Variants in FARP1 observed in about 807,000 individuals in gnomAD.
FARP1 encodes the protein FERM, ARHGEF and pleckstrin domain-containing protein 1.
Under a neutral mutation model 128.8 loss-of-function variants are expected in FARP1, and 52 were observed. The observed-to-expected ratio is 0.40, with a 90% CI of 0.32 to 0.51. The LOEUF (loss-of-function observed/expected upper bound fraction) is 0.51, where lower values mean the gene tolerates loss of function less well. Ranked by LOEUF, FARP1 falls within the 20% of genes least tolerant of loss-of-function variation. The probability of loss-of-function intolerance (pLI) is 0.45; values close to 1 mark genes in which losing one functional copy is unlikely to be tolerated. For synonymous variants in FARP1, 580 were observed against 551.8 expected (o/e 1.05, Z -0.72); for missense variants, 1,333 against 1,367.9 (o/e 0.97, Z 0.40).
chr13:98,160,076 A>G (rs1490373335), intron 1 of FARP1, among the ~76,000 whole-genome samples: 2 of 152,240 alleles, frequency 1.3e-5, no homozygotes, highest in Admixed American at 1.3e-4. Flanking sequence ...AGTTGTTGGT[A>G]CCAGAGGTTG....
intron 3 of FARP1, among the ~76,000 whole-genome samples, chr13:98,358,549 A>G (rs1300510920): frequency 6.6e-6 from 1 of 152,232 alleles, no homozygotes; most frequent in Non-Finnish European, 1.5e-5. Flanking sequence ...TTTAAATATA[A>G]CCAAATGTAA....
intron 2 of FARP1, among the ~76,000 whole-genome samples, chr13:98,322,559 G>T (rs372485415): frequency 2.4e-5 from 2 of 84,884 alleles, no homozygotes; most frequent in African/African-American, 8.9e-5. Context: ...CTCCTTAGCC[G>T]TCAGTGCTCC....
chr13:98,176,888 C>A lies in FARP1; in HGVS notation c.-24+33396C>A. ...GGCGTATGGTGCTCCTTCTCGGTGT[C>A]CTGCTCGAAGTCAGCGGTGGCCCCC... On this transcript the variant is annotated intron_variant, in intron 1 of 26. Coordinates refer to ENST00000319562, the MANE Select transcript of FARP1 (RefSeq NM_005766.4). The surrounding 1 kb of genome is among the most constrained non-coding windows in gnomAD (Gnocchi z 6.2). 6.2e-7 allele frequency: 1 copy of A among 1,606,714 alleles called. No homozygotes were observed. Among genetic ancestry groups the A allele is most frequent in the Non-Finnish European group, 8.5e-7 (1 of 1,179,912 alleles).
intron 3 of FARP1, among the ~76,000 whole-genome samples, chr13:98,358,025 T>C (rs1055371384): frequency 4.6e-5 from 7 of 151,940 alleles, no homozygotes; most frequent in Non-Finnish European, 8.8e-5. Flanking sequence ...TAGGTAGTAT[T>C]CCTGGCCCTG....
intron 1 of FARP1, among the ~76,000 whole-genome samples, chr13:98,172,913 C>T (rs1376860806): frequency 6.6e-6 from 1 of 152,170 alleles, no homozygotes; most frequent in Admixed American, 6.5e-5. Context: ...CTGGCAACAA[C>T]CCAGTAGCAA....
chr13:98,365,474 T>G, intron 4 of FARP1, 37 bp downstream of exon 4: 1 of 1,472,962 alleles, frequency 6.8e-7, no homozygotes, highest in Non-Finnish European at 9.5e-7. Context: ...TGATGTGAAA[T>G]CTGAAGCCAG....
At chr13:98,284,607 A>G (rs1018097906) in intron 2 of FARP1, among the ~76,000 whole-genome samples, 2 of 152,130 alleles carry the variant, frequency 1.3e-5, no homozygotes, top group African/African-American at 4.8e-5. Flanking sequence ...TCTTCTGATT[A>G]CATTAAGGAT....
intron 1 of FARP1, among the ~76,000 whole-genome samples, chr13:98,206,584 T>TAC (rs1289669046): frequency 6.6e-6 from 1 of 152,214 alleles, no homozygotes; most frequent in African/African-American, 2.4e-5. Flanking sequence ...GGTTTGGGGC[T>TAC]ACAGATGTCT....
intron 2 of FARP1, among the ~76,000 whole-genome samples, chr13:98,213,809 G>T (rs192585129): frequency 6.6e-6 from 1 of 152,124 alleles, no homozygotes; most frequent in Non-Finnish European, 1.5e-5. Flanking sequence ...GTGCTTGTGC[G>T]TGTGTGTTTG....
intron 2 of FARP1, among the ~76,000 whole-genome samples, chr13:98,259,160 A>G (rs1883754027): frequency 6.6e-6 from 1 of 152,184 alleles, no homozygotes; most frequent in African/African-American, 2.4e-5. Flanking sequence ...GCAGTGATCC[A>G]TGGTTGTGAC....
At chr13:98,330,438 A>C (rs1887453606) in intron 2 of FARP1, among the ~76,000 whole-genome samples, 3 of 152,174 alleles carry the variant, frequency 2.0e-5, no homozygotes, top group African/African-American at 4.8e-5. Flanking sequence ...GGTTAAATGC[A>C]GGCAGAGAAA....
intron 17 of FARP1, among the ~76,000 whole-genome samples, chr13:98,425,819 A>G (rs1210711866): frequency 6.6e-6 from 1 of 152,246 alleles, no homozygotes; most frequent in Non-Finnish European, 1.5e-5. Context: ...CATCTCTTAT[A>G]TCTGAAATCT....
Position 98,451,040 on chromosome 13 carries a change from T to A in FARP1, c.*2723T>A, listed in dbSNP as rs1409811414. The A allele has an allele frequency of 6.6e-6, 1 of 152,148 alleles. No homozygotes were observed. The highest frequency in any genetic ancestry group is 1.9e-4 in the East Asian group (1 of 5,192). 9.4% of individuals were successfully genotyped at this position (152,148 alleles called of 1,614,324 possible). On this transcript the variant is annotated 3_prime_UTR_variant, in exon 27 of 27. Coordinates refer to ENST00000319562, the MANE Select transcript of FARP1 (RefSeq NM_005766.4). ...TGATTTGTCTGGCGACTGCAGAGAC[T>A]CCCCGTTCATACCAGTATTCATTAG... is the stretch of plus-strand genomic sequence containing the variant.
intron 1 of FARP1, among the ~76,000 whole-genome samples, chr13:98,159,175 C>T (rs139998667): frequency 7.2e-5 from 11 of 152,300 alleles, no homozygotes; most frequent in African/African-American, 7.2e-5. Flanking sequence ...GCTATTCCCA[C>T]GGCCAGTTTT....
At chr13:98,380,658 C>T (rs571065131) in intron 6 of FARP1, among the ~76,000 whole-genome samples, 14 of 152,160 alleles carry the variant, frequency 9.2e-5, no homozygotes, top group South Asian at 2.1e-4. Context: ...ACTGCAGCCT[C>T]GACCTCCTGG....
chr13:98,164,262 C>T (rs1877088945), intron 1 of FARP1, among the ~76,000 whole-genome samples: 1 of 152,104 alleles, frequency 6.6e-6, no homozygotes, highest in African/African-American at 2.4e-5. Flanking sequence ...GTTTTGGGGG[C>T]GTGGCGTTTG....
intron 2 of FARP1, among the ~76,000 whole-genome samples, chr13:98,247,713 C>T (rs1024867099): frequency 5.3e-5 from 8 of 152,252 alleles, no homozygotes; most frequent in South Asian, 4.1e-4. Context: ...CAACGGATTC[C>T]AGGCAGTTCA....
In FARP1 at chr13:98,411,927, G is replaced by A. The variant is rs2140120471; in HGVS notation, c.1719G>A (p.Glu573=). The change falls in exon 16 of 27, where the codon GAG becomes GAA. Residue 573 remains glutamate, a synonymous_variant. Coordinates refer to ENST00000319562, the MANE Select transcript of FARP1 (RefSeq NM_005766.4). The stretch of plus-strand genomic sequence containing the variant: ...GGTTTCAGAGCACAGTGAGCAAAGA[G>A]GACGCCATGCCGGAAGCACTGAAAA... ...TSWFQSTVSK[E]DAMPEALKSL... The A allele has an allele frequency of 2.5e-6, 4 of 1,614,150 alleles. No homozygotes were observed. The highest frequency in any genetic ancestry group is 3.3e-4 in the Middle Eastern group (2 of 6,062).
chr13:98,403,564 A>G (rs1020637132), intron 13 of FARP1: 5 of 152,272 alleles, frequency 3.3e-5, no homozygotes, highest in Admixed American at 1.3e-4. Flanking sequence ...GGGAATGTAG[A>G]AAAGGCCTCA....
Sources: gnomAD v4.1 joint callset for allele counts (sites outside exome capture counted in the v4.1 genomes callset) on GRCh38, gnomAD v4.1.1 for gene constraint, Gnocchi (gnomAD v3.1) non-coding constraint, MANE v1.5 for transcripts, NCBI Gene and HGNC (gene_info 2026-07-23, HGNC 2026-07-21) for gene names.